SORCS1: variants seen among roughly 807,000 people sequenced by gnomAD.
SORCS1 encodes the protein sortilin related VPS10 domain containing receptor 1.
In SORCS1, 60 loss-of-function variants were observed where a neutral mutation model predicts 146.1. The observed-to-expected ratio is 0.41, with a 90% CI of 0.33 to 0.51. The LOEUF is 0.51. SORCS1 is among the 20% of genes least tolerant of loss of function. The pLI is 0.21. For missense variants in SORCS1, 1,352 were observed against 1,487.6 expected (o/e 0.91, Z 1.50); for synonymous variants, 637 against 584.0 (o/e 1.09, Z -1.31).
intron 1 of SORCS1, among the ~76,000 whole-genome samples, chr10:106,964,771 C>A (rs1427963140): frequency 6.6e-6 from 1 of 151,928 alleles, no homozygotes; most frequent in Non-Finnish European, 1.5e-5. Flanking sequence ...CAGGCATGAG[C>A]CACTGCACCA....
At chr10:106,975,051 A>G (rs1360625803) in intron 1 of SORCS1, among the ~76,000 whole-genome samples, 1 of 152,210 alleles carries the variant, frequency 6.6e-6, no homozygotes, top group African/African-American at 2.4e-5. Flanking sequence ...ACAGAAGGCC[A>G]AAGGCTTGGG....
chr10:106,788,861 G>A (rs570654997), intron 3 of SORCS1, among the ~76,000 whole-genome samples: 65 of 152,334 alleles, frequency 4.3e-4, no homozygotes, highest in African/African-American at 1.5e-3. Flanking sequence ...GCCCCAGTGG[G>A]CACTCTGTGT....
At chr10:107,065,410 C>CT (rs960889589) in intron 1 of SORCS1, among the ~76,000 whole-genome samples, 3 of 110,222 alleles carry the variant, frequency 2.7e-5, no homozygotes, top group East Asian at 5.8e-4. Context: ...TTCTTTCTCT[C>CT]TTTCTTTTCT....
chr10:106,739,170 C>T (rs947499234), intron 5 of SORCS1, among the ~76,000 whole-genome samples: 1 of 152,000 alleles, frequency 6.6e-6, no homozygotes, highest in Non-Finnish European at 1.5e-5. Context: ...AGAGTTTGGC[C>T]CACTCTTCCC....
At chr10:106,856,655 G>A (rs1342631234) in intron 2 of SORCS1, among the ~76,000 whole-genome samples, 1 of 152,174 alleles carries the variant, frequency 6.6e-6, no homozygotes, top group African/African-American at 2.4e-5. Context: ...TGTCACTGTG[G>A]GGAGCTGGTA....
intron 1 of SORCS1, among the ~76,000 whole-genome samples, chr10:106,972,558 G>C (rs1955832694): frequency 1.3e-5 from 2 of 148,808 alleles, no homozygotes; most frequent in Admixed American, 1.3e-4. Context: ...CGTAAAGTTT[G>C]AGTGACTTGC....
At chr10:107,062,485 C>A (rs1244665435) in intron 1 of SORCS1, among the ~76,000 whole-genome samples, 4 of 151,930 alleles carry the variant, frequency 2.6e-5, no homozygotes, top group African/African-American at 9.7e-5. Flanking sequence ...AATTAAAATA[C>A]TCATGAAAAC....
intron 22 of SORCS1, among the ~76,000 whole-genome samples, chr10:106,609,266 G>A (rs539910284): frequency 6.6e-6 from 1 of 152,268 alleles, no homozygotes; most frequent in East Asian, 1.9e-4. Context: ...TTACTAGACT[G>A]TAAACTCAGA....
At chr10:106,842,677 C>T (rs1271663082) in intron 2 of SORCS1, among the ~76,000 whole-genome samples, 3 of 152,120 alleles carry the variant, frequency 2.0e-5, no homozygotes, top group Admixed American at 6.5e-5. Flanking sequence ...AGTGCAATGG[C>T]GTGATCTCAG....
At chr10:107,100,669 A>C (rs1028258432) in intron 1 of SORCS1, among the ~76,000 whole-genome samples, 2 of 152,198 alleles carry the variant, frequency 1.3e-5, no homozygotes, top group African/African-American at 4.8e-5. Flanking sequence ...ATGAGGCAGC[A>C]CCAGTTCTAA....
intron 3 of SORCS1, among the ~76,000 whole-genome samples, chr10:106,801,848 C>A (rs375618051): frequency 3.2e-4 from 49 of 152,198 alleles, no homozygotes; most frequent in African/African-American, 1.1e-3. Context: ...CGACAGTTTA[C>A]AGATGAATAT....
intron 1 of SORCS1, among the ~76,000 whole-genome samples, chr10:107,065,025 C>T (rs760126975): frequency 6.6e-5 from 10 of 152,020 alleles, no homozygotes; most frequent in Non-Finnish European, 1.3e-4. Context: ...ACTATGAGCT[C>T]GAGTGGATTT....
At chr10:107,137,846 G>A (rs964290933) in intron 1 of SORCS1, among the ~76,000 whole-genome samples, 1 of 143,848 alleles carries the variant, frequency 7.0e-6, no homozygotes, top group Non-Finnish European at 1.5e-5. Context: ...TGGGCAACAA[G>A]AGCGAAACTC....
chr10:106,950,148 C>T (rs1386074829), intron 2 of SORCS1, among the ~76,000 whole-genome samples: 3 of 152,190 alleles, frequency 2.0e-5, no homozygotes, highest in African/African-American at 7.2e-5. Flanking sequence ...TCCCCCTTTC[C>T]TCTCATTTTG....
chr10:106,781,835 G>A (rs1391120287), intron 3 of SORCS1, among the ~76,000 whole-genome samples: 1 of 152,056 alleles, frequency 6.6e-6, no homozygotes, highest in African/African-American at 2.4e-5. Flanking sequence ...CAGGATCCCA[G>A]AATGAACCAT....
rs184877647 is a variant in SORCS1, at chr10:107,073,162, T to C, written c.558+90807A>G. On this transcript the variant is annotated intron_variant, in intron 1 of 25. Transcript: ENST00000263054. Reference sequence around the variant, plus strand: ...TTTCCTAATGATACTACTTTAAACATAGAAAAAGATTTGGAGAGATGAGAT... The same window carrying C: ...TTTCCTAATGATACTACTTTAAACACAGAAAAAGATTTGGAGAGATGAGAT... 1.4e-4 allele frequency among the ~76,000 whole-genome samples: 21 copies of C among 152,180 alleles called. No individual in the cohort carries two copies. In the East Asian group the frequency reaches 2.1e-3, roughly 15 times the overall value.
chr10:106,645,813 A>T (rs1465063870), intron 18 of SORCS1, among the ~76,000 whole-genome samples: 2 of 152,116 alleles, frequency 1.3e-5, no homozygotes, highest in East Asian at 3.8e-4. Context: ...TATTATTACA[A>T]ATACTTTTTT....
rs140331806 is a variant in SORCS1 at position 106,837,926 on chromosome 10, C to T, written c.627-8253G>A. ...CCTAGGTGCTTTTATTTTCTGTTCA[C>T]AATATTTATCCCCATCTGATAGATT... On this transcript the variant is annotated intron_variant, in intron 2 of 25. Coordinates refer to ENST00000263054, the MANE Select transcript of SORCS1 (RefSeq NM_052918.5). Among the ~76,000 whole-genome samples, 776 of 152,198 alleles carry T rather than the reference C, an allele frequency of 5.1e-3. 24 individuals are homozygous for T. Among genetic ancestry groups the T allele is most frequent in the East Asian group, 6.8e-3 (35 of 5,176 alleles).
intron 2 of SORCS1, among the ~76,000 whole-genome samples, chr10:106,953,013 T>A (rs933843271): frequency 1.7e-4 from 26 of 151,920 alleles, no homozygotes; most frequent in African/African-American, 6.0e-4. Context: ...ATAATAATAA[T>A]AATTTAAAAT....
Sources: gnomAD v4.1 joint callset for allele counts (sites outside exome capture counted in the v4.1 genomes callset) on GRCh38, gnomAD v4.1.1 for gene constraint, MANE v1.5 for transcripts, NCBI Gene and HGNC (gene_info 2026-07-23, HGNC 2026-07-21) for gene names.